The following MAGI3 variants were observed in gnomAD, a reference collection of about 807,000 sequenced individuals.
MAGI3 encodes the protein membrane associated guanylate kinase, WW and PDZ domain containing 3.
MAGI3 carries 43 observed loss-of-function variants against 121.8 expected under a neutral mutation model. The ratio of observed to expected loss-of-function variants is 0.35; its 90% CI spans 0.28 to 0.46. The LOEUF (loss-of-function observed/expected upper bound fraction) is 0.46. Ranked by LOEUF, MAGI3 falls within the 20% of genes least tolerant of loss-of-function variation. The pLI is 1.00. For synonymous variants in MAGI3, 553 were observed against 639.3 expected (o/e 0.86, Z 2.04); for missense variants, 1,547 against 1,797.3 (o/e 0.86, Z 2.52).
chr1:113,659,868 G>A lies in MAGI3; in HGVS notation c.2815+603G>A, dbSNP rs1449710057. Among the ~76,000 whole-genome samples the A allele has an allele frequency of 2.0e-5, 3 of 152,258 alleles. No homozygotes were observed. The East Asian group carries it at 5.8e-4, about 29-fold the overall frequency. On this transcript the variant is annotated intron_variant, in intron 16 of 20. Coordinates refer to ENST00000307546, the MANE Select transcript of MAGI3 (RefSeq NM_001142782.2). ...AATTTCTAATTAGGAACCATCTTTA[G>A]CCAGTCCATATTCTTTGTGAATTAC...
At chr1:113,669,448 A>T (rs1348385553) in intron 16 of MAGI3, among the ~76,000 whole-genome samples, 1 of 152,186 alleles carries the variant, frequency 6.6e-6, no homozygotes, top group Admixed American at 6.5e-5. Flanking sequence ...AGGAGGTGAC[A>T]ATTTGAACAT....
chr1:113,518,841 A>G (rs906634711), intron 1 of MAGI3, among the ~76,000 whole-genome samples: 2 of 152,140 alleles, frequency 1.3e-5, no homozygotes, highest in Non-Finnish European at 2.9e-5. Context: ...TTTTGTATAA[A>G]ATATGCTTAT....
At chr1:113,654,089 A>C in intron 15 of MAGI3, 71 bp downstream of exon 15, 2 of 1,254,866 alleles carry the variant, frequency 1.6e-6, no homozygotes, top group South Asian at 3.1e-5. Flanking sequence ...GGAGTTTATG[A>C]AATAATTAGG....
chr1:113,655,829 G>A (rs1653436861), intron 15 of MAGI3, among the ~76,000 whole-genome samples: 1 of 152,110 alleles, frequency 6.6e-6, no homozygotes, highest in Non-Finnish European at 1.5e-5. Context: ...AAGGAGACAG[G>A]GTATGTGAAG....
intron 4 of MAGI3, 26 bp downstream of exon 4, chr1:113,585,622 A>T (rs764158514): frequency 6.4e-7 from 1 of 1,571,434 alleles, no homozygotes; most frequent in African/African-American, 1.4e-5. Flanking sequence ...AACAACTTCT[A>T]ACTGATCTTC....
At chr1:113,410,465 C>T (rs1039957279) in intron 1 of MAGI3, among the ~76,000 whole-genome samples, 2 of 151,884 alleles carry the variant, frequency 1.3e-5, no homozygotes, top group Non-Finnish European at 2.9e-5. Context: ...CTGTGACCGT[C>T]CTAGACGTGT....
intron 4 of MAGI3, among the ~76,000 whole-genome samples, chr1:113,587,803 G>C (rs769711491): frequency 2.6e-5 from 4 of 152,062 alleles, no homozygotes; most frequent in Non-Finnish European, 5.9e-5. Flanking sequence ...TCATATACTT[G>C]CTTTTACTTT....
At chr1:113,423,021 C>T (rs75948156) in intron 1 of MAGI3, among the ~76,000 whole-genome samples, 3,558 of 152,250 alleles carry the variant, frequency 0.023, 71 homozygotes, top group Middle Eastern at 0.044. Flanking sequence ...TCACTGCCCA[C>T]AGCTTGGTGA....
chr1:113,477,754 C>T (rs1655904136), intron 1 of MAGI3, among the ~76,000 whole-genome samples: 1 of 152,032 alleles, frequency 6.6e-6, no homozygotes, highest in African/African-American at 2.4e-5. Context: ...TCTGTATTTC[C>T]TGAATTTGAA....
chr1:113,411,618 A>T (rs1475606979), intron 1 of MAGI3, among the ~76,000 whole-genome samples: 3 of 152,058 alleles, frequency 2.0e-5, no homozygotes, highest in African/African-American at 7.2e-5. Flanking sequence ...AATAAGCTAC[A>T]CATTTTGCTG....
Position 113,642,139 on chromosome 1 carries a change from A to G in MAGI3, c.1589A>G (p.Asp530Gly). The change falls in exon 10 of 21, where the codon GAT becomes GGT. Residue 530 changes from aspartate to glycine, a missense_variant. Coordinates refer to ENST00000307546, the MANE Select transcript of MAGI3 (RefSeq NM_001142782.2). ...TKGETCMNPQ[D>G]FKPGAMVLEQ... ...GGAGAGACTTGCATGAATCCTCAGGATTTTAAGCCAGGAGCAATGGTTCTG... is the reference window on the plus strand; with the variant it reads ...GGAGAGACTTGCATGAATCCTCAGGGTTTTAAGCCAGGAGCAATGGTTCTG... 6.2e-7 allele frequency: 1 copy of G among 1,614,176 alleles called. No individual in the cohort carries two copies. Among genetic ancestry groups the G allele is most frequent in the Non-Finnish European group, 8.5e-7 (1 of 1,180,042 alleles).
intron 6 of MAGI3, among the ~76,000 whole-genome samples, chr1:113,609,780 A>G (rs1414039037): frequency 6.6e-6 from 1 of 152,182 alleles, no homozygotes; most frequent in African/African-American, 2.4e-5. Context: ...CAGCTGCTTG[A>G]TATGCCCAAA....
chr1:113,606,384 A>G (rs558096070), intron 6 of MAGI3, among the ~76,000 whole-genome samples: 1 of 152,302 alleles, frequency 6.6e-6, no homozygotes, highest in African/African-American at 2.4e-5. Context: ...ATATAATACT[A>G]TAGAATTTGA....
chr1:113,542,049 C>T (rs1485894610), intron 1 of MAGI3, among the ~76,000 whole-genome samples: 2 of 152,172 alleles, frequency 1.3e-5, no homozygotes, highest in Non-Finnish European at 1.5e-5. Context: ...GTGAAGTCTT[C>T]CCATAACTCC....
intron 9 of MAGI3, among the ~76,000 whole-genome samples, chr1:113,641,010 T>TATATG (rs1309516819): frequency 4.1e-4 from 22 of 54,152 alleles, no homozygotes; most frequent in African/African-American, 1.7e-3. Context: ...ATATATAATA[T>TATATG]ATATGATATA....
At chr1:113,450,068 C>A (rs779182840) in intron 1 of MAGI3, 94 of 1,534,284 alleles carry the variant, frequency 6.1e-5, no homozygotes, top group Non-Finnish European at 7.9e-5. Flanking sequence ...TGAGAGACTT[C>A]TTTGAAAAGT....
At chr1:113,481,510 AC>A (rs1288660261) in intron 1 of MAGI3, among the ~76,000 whole-genome samples, 3 of 151,984 alleles carry the variant, frequency 2.0e-5, no homozygotes, top group Non-Finnish European at 4.4e-5. Flanking sequence ...GTAGATTTTT[AC>A]CTTTGTTTTT....
At chr1:113,617,626 C>T (rs998064257) in intron 7 of MAGI3, among the ~76,000 whole-genome samples, 1 of 152,184 alleles carries the variant, frequency 6.6e-6, no homozygotes, top group African/African-American at 2.4e-5. Context: ...ATACAAATTA[C>T]TACTTTTTAT....
chr1:113,438,425 C>G (rs1056829650), intron 1 of MAGI3, among the ~76,000 whole-genome samples: 3 of 152,216 alleles, frequency 2.0e-5, no homozygotes, highest in African/African-American at 4.8e-5. Flanking sequence ...GCACTTATCA[C>G]ATACTATGGC....
Sources: gnomAD v4.1 joint callset for allele counts (sites outside exome capture counted in the v4.1 genomes callset) on GRCh38, gnomAD v4.1.1 for gene constraint, MANE v1.5 for transcripts, NCBI Gene and HGNC (gene_info 2026-07-23, HGNC 2026-07-21) for gene names.